Variants in LITAF observed in about 807,000 individuals in gnomAD.
The protein encoded by LITAF is lipopolysaccharide-induced tumor necrosis factor-alpha factor.
In LITAF, 9 loss-of-function variants were observed where a neutral mutation model predicts 14.5. The observed-to-expected ratio is 0.62, with a 90% CI of 0.37 to 1.08. The LOEUF (loss-of-function observed/expected upper bound fraction) is 1.08, where lower values mean the gene tolerates loss of function less well. Among genes scored for constraint, LITAF ranks in the 50% least tolerant of loss-of-function variants. LITAF has a pLI of 0.01. For missense variants in LITAF, 206 were observed against 213.4 expected (o/e 0.97, Z 0.22); for synonymous variants, 98 against 88.2 (o/e 1.11, Z -0.62).
chr16:11,607,547 A>G (rs1290208608), intron 3 of LITAF, among the ~76,000 whole-genome samples: 1 of 148,708 alleles, frequency 6.7e-6, no homozygotes, highest in Non-Finnish European at 1.5e-5. Flanking sequence ...TCATTCGGGA[A>G]AAAAAAAAAA....
intron 1 of LITAF, among the ~76,000 whole-genome samples, chr16:11,566,968 T>C (rs953312841): frequency 6.6e-6 from 1 of 152,224 alleles, no homozygotes; most frequent in Non-Finnish European, 1.5e-5. Context: ...GGATTTATGG[T>C]GCAGATGCCA....
rs527411766 is a variant in LITAF at position 11,574,011 on chromosome 16, T to G, written c.-6+12875A>C. On this transcript the variant is annotated intron_variant, in intron 1 of 3. Coordinates refer to ENST00000622633, the MANE Select transcript of LITAF (RefSeq NM_001136472.2). ...GCCAAGGTGCCCGGCGTTTTTTTGG[T>G]TTTTTTTTTGTTGTTGTTTTTAAAG... Among the ~76,000 whole-genome samples, 54 of 140,034 alleles carry G rather than the reference T, an allele frequency of 3.9e-4. 1 individual carries two copies. The East Asian group carries it at 8.8e-3, about 23-fold the overall frequency. 91.9% of individuals were successfully genotyped at this position (140,034 alleles called of 152,430 possible).
upstream of LITAF, among the ~76,000 whole-genome samples, chr16:11,638,701 C>CAAAAAAAAAAAAA (rs57170972): frequency 5.3e-5 from 4 of 75,952 alleles, no homozygotes; most frequent in Non-Finnish European, 9.6e-5. Context: ...GACTCTGTCT[C>CAAAAAAAAAAAAA]AAAAAAAAAA....
intron 1 of LITAF, among the ~76,000 whole-genome samples, chr16:11,596,095 C>T (rs904917912): frequency 6.6e-6 from 1 of 152,068 alleles, no homozygotes; most frequent in African/African-American, 2.4e-5. Context: ...AGGTAGAGGC[C>T]CAGGTGAGCT....
In LITAF at chr16:11,579,562, C is replaced by A. The variant is rs971411355; in HGVS notation, c.-6+7324G>T. Reference sequence around the variant, plus strand: ...TGCAATGTAGTACCCTAGGTTAGGACCCTGGCCCAGAAAAAAAGGACATCA... The same window carrying A: ...TGCAATGTAGTACCCTAGGTTAGGAACCTGGCCCAGAAAAAAAGGACATCA... On this transcript the variant is annotated intron_variant, in intron 1 of 3. Coordinates refer to ENST00000622633, the MANE Select transcript of LITAF (RefSeq NM_001136472.2). 7.3e-5 allele frequency among the ~76,000 whole-genome samples: 11 copies of A among 151,544 alleles called. 1 individual carries two copies. Among genetic ancestry groups the A allele is most frequent in the Non-Finnish European group, 1.5e-4 (10 of 67,848 alleles).
chr16:11,619,079 G>C (rs889259381), intron 3 of LITAF, among the ~76,000 whole-genome samples: 3 of 151,662 alleles, frequency 2.0e-5, no homozygotes, highest in Non-Finnish European at 4.4e-5. Flanking sequence ...GGGAGGCCAA[G>C]GCAGGCAGGT....
Position 11,586,878 on chromosome 16 carries a change from G to T in LITAF, c.-6+8C>A. 6.6e-6 allele frequency: 1 copy of T among 152,172 alleles called. No homozygotes were observed. The highest frequency in any genetic ancestry group is 1.8e-4 in the South Asian group (1 of 5,480). 9.4% of individuals were successfully genotyped at this position (152,172 alleles called of 1,614,324 possible). A position where few individuals can be genotyped will look rare whatever the true frequency, so the allele number is the denominator to read the frequency against. On this transcript the variant is annotated splice_region_variant and intron_variant, in intron 1 of 3. Transcript: ENST00000622633. The surrounding 1 kb of genome is among the most constrained non-coding windows in gnomAD (Gnocchi z 6.5). ...CCCCGCGCCCCGGCGTCCCCGCGCCGCACTCACCGCCGCCCGCGCCGCCTG... is the reference window on the plus strand; with the variant it reads ...CCCCGCGCCCCGGCGTCCCCGCGCCTCACTCACCGCCGCCCGCGCCGCCTG...
At chr16:11,571,534 T>C (rs544596846) in intron 1 of LITAF, among the ~76,000 whole-genome samples, 9 of 152,240 alleles carry the variant, frequency 5.9e-5, no homozygotes, top group African/African-American at 2.2e-4. Context: ...GCCCTGCAGA[T>C]TCTCAATGGG....
chr16:11,594,097 G>A (rs539283875), intron 1 of LITAF, among the ~76,000 whole-genome samples: 21 of 151,818 alleles, frequency 1.4e-4, no homozygotes, highest in African/African-American at 4.6e-4. Flanking sequence ...GAGGTGGAAG[G>A]ATCACTTGAA....
chr16:11,638,064 A>T (rs529260610), upstream of LITAF, among the ~76,000 whole-genome samples: 4 of 131,052 alleles, frequency 3.1e-5, no homozygotes, highest in Admixed American at 3.3e-4. Context: ...CTATATATAT[A>T]TCTATATATA....
chr16:11,556,390 T>G, intron 2 of LITAF, 121 bp downstream of exon 2: 1 of 801,474 alleles, frequency 1.2e-6, no homozygotes, highest in South Asian at 1.8e-5. Context: ...GGTAAGGGGG[T>G]AAAACTGGAA....
In LITAF at chr16:11,586,521, C is replaced by A. The variant is rs1272629758; in HGVS notation, c.-6+365G>T. On this transcript the variant is annotated intron_variant, in intron 1 of 3. Coordinates refer to ENST00000622633, the MANE Select transcript of LITAF (RefSeq NM_001136472.2). The surrounding 1 kb of genome is among the most constrained non-coding windows in gnomAD (Gnocchi z 6.5). ...CCTGAGTCACTAGAGAGAATCGCGC[C>A]TTTTTCTAAAAAGCCCAGGGGCCGT... 6.6e-6 allele frequency: 1 copy of A among 152,178 alleles called. No homozygotes were observed. Among genetic ancestry groups the A allele is most frequent in the Non-Finnish European group, 1.5e-5 (1 of 68,022 alleles). The allele number at this position is 152,178 out of a possible 1,614,324, so 9.4% of individuals were successfully genotyped here. A position where few individuals can be genotyped will look rare whatever the true frequency, so the allele number is the denominator to read the frequency against.
chr16:11,560,518 G>C (rs936925690), intron 1 of LITAF, among the ~76,000 whole-genome samples: 14 of 151,928 alleles, frequency 9.2e-5, no homozygotes, highest in African/African-American at 3.1e-4. Context: ...GGGAGGCAGA[G>C]GTTGCAGCGA....
At chr16:11,576,553 A>AG (rs1440962990) in intron 1 of LITAF, among the ~76,000 whole-genome samples, 11 of 126,206 alleles carry the variant, frequency 8.7e-5, no homozygotes, top group African/African-American at 1.2e-4. Flanking sequence ...AAAAAAAAAA[A>AG]AAGAGAGAGA....
At chr16:11,609,794 C>T (rs1343368325) in intron 3 of LITAF, among the ~76,000 whole-genome samples, 1 of 152,150 alleles carries the variant, frequency 6.6e-6, no homozygotes, top group Non-Finnish European at 1.5e-5. Context: ...ACTCCAGAAG[C>T]CTCCAGAATG....
intron 1 of LITAF, among the ~76,000 whole-genome samples, chr16:11,579,759 C>A (rs572172136): frequency 2.2e-3 from 337 of 152,252 alleles, no homozygotes; most frequent in African/African-American, 7.6e-3. Flanking sequence ...TCTTGCAAAT[C>A]AAAAATTATG....
At position 11,605,543 on chromosome 16, in the gene LITAF, G is replaced by C. The variant is rs976754912; in HGVS notation, c.85+27990C>G. On this transcript the variant is annotated intron_variant, in intron 3 of 3. Coordinates refer to the LITAF transcript ENST00000574848. The surrounding 1 kb of genome is among the most constrained non-coding windows in gnomAD (Gnocchi z 4.7). The stretch of plus-strand genomic sequence containing the variant: ...CAGGGGCCGCAAGGAAGGAAGGGAA[G>C]AAAAGGAGAAAGAAGGGAGGGAAAA... Among the ~76,000 whole-genome samples the C allele has an allele frequency of 1.4e-4, 22 of 152,246 alleles. No homozygotes were observed. The highest frequency in any genetic ancestry group is 4.8e-4 in the African/African-American group (20 of 41,542).
rs916213434 is a variant in LITAF, at chr16:11,562,853, C to T, written c.-5-6118G>A. Among the ~76,000 whole-genome samples the T allele has an allele frequency of 7.9e-5, 12 of 151,798 alleles. No individual in the cohort carries two copies. The East Asian group carries it at 1.9e-3, about 25-fold the overall frequency. ...TTGAGACTGCAATAAGCTAGGATCA[C>T]GCCACTGCTCTCCAGCCTGGGTGAC... On this transcript the variant is annotated intron_variant, in intron 1 of 3. Transcript: ENST00000622633.
chr16:11,638,032 C>CTA (rs1217060542), upstream of LITAF, among the ~76,000 whole-genome samples: 3 of 83,422 alleles, frequency 3.6e-5, no homozygotes, highest in Admixed American at 1.3e-4. Flanking sequence ...ATCTATATAT[C>CTA]TATATATATC....
Sources: gnomAD v4.1 joint callset for allele counts (sites outside exome capture counted in the v4.1 genomes callset) on GRCh38, gnomAD v4.1.1 for gene constraint, Gnocchi (gnomAD v3.1) non-coding constraint, MANE v1.5 for transcripts, NCBI Gene and HGNC (gene_info 2026-07-23, HGNC 2026-07-21) for gene names.